Variants in TRPM5 observed in about 807,000 individuals in gnomAD.
The protein encoded by TRPM5 is MLSN1 and TRP-related.
A neutral mutation model predicts 124.9 loss-of-function variants in TRPM5; 121 were observed. The observed-to-expected ratio is 0.97, with a 90% CI of 0.84 to 1.13. TRPM5 has a LOEUF of 1.13. TRPM5 is among the 50% of genes most tolerant of loss of function. The pLI is 0.00. For missense variants in TRPM5, 1,643 were observed against 1,589.1 expected (o/e 1.03, Z -0.58); for synonymous variants, 781 against 700.5 (o/e 1.11, Z -1.81).
At chr11:2,430,665 ATGG>A in the TRPM5 span, among the ~76,000 whole-genome samples, 5 of 126,990 alleles carry the variant, frequency 3.9e-5, 1 homozygote, top group South Asian at 5.3e-4. Context: ...GACAGTGTTG[ATGG>A]TGGTGGTGGT....
chr11:2,409,921 A>G (rs922509098), intron 18 of TRPM5, among the ~76,000 whole-genome samples: 3 of 152,108 alleles, frequency 2.0e-5, no homozygotes, highest in Non-Finnish European at 4.4e-5. Flanking sequence ...GAAGGAGGCT[A>G]TGGCCAGGCC....
At chr11:2,405,916 G>T in intron 22 of TRPM5, 103 bp downstream of exon 27, 2 of 1,106,020 alleles carry the variant, frequency 1.8e-6, no homozygotes, top group East Asian at 2.4e-5. Context: ...GCTCTGGCCT[G>T]CCTCATCTCT....
At chr11:2,423,070 C>T (rs1845795535), upstream of TRPM5, 2 of 1,571,012 alleles carry the variant, frequency 1.3e-6, no homozygotes, top group Admixed American at 3.4e-5. Flanking sequence ...TACCCTGGCC[C>T]TTGAGGGCTG....
At chr11:2,410,255 C>A (rs960549779) in intron 18 of TRPM5, among the ~76,000 whole-genome samples, 1 of 152,212 alleles carries the variant, frequency 6.6e-6, no homozygotes, top group Non-Finnish European at 1.5e-5. Flanking sequence ...CACGGCGTCG[C>A]CCCCGCCTGT....
chr11:2,411,735 G>A (rs1470915022), exon 17 of TRPM5: 10 of 1,612,548 alleles, frequency 6.2e-6, no homozygotes, highest in Non-Finnish European at 8.5e-7. Flanking sequence ...GGCGAGGACT[G>A]TGCGGCCAGC....
At chr11:2,418,663 G>A (rs1372259135) in intron 4 of TRPM5, 72 bp from the exon 10 acceptor site, 2 of 1,477,352 alleles carry the variant, frequency 1.4e-6, no homozygotes, top group Non-Finnish European at 1.8e-6. Context: ...AGGCTCTCAG[G>A]CCACCACATT....
Position 2,405,563 on chromosome 11 carries a change from C to T in TRPM5, c.3355G>A (p.Val1119Met), listed in dbSNP as rs147507650. ...CCACCCTGGGCCAGCACGTCAGCCA[C>T]GGAGGACACGAGCACCGAGCAGTAG... Residue 1119 changes from valine (V) to methionine (M), a missense_variant, in exon 23 of 24, where the codon GTG (valine) becomes ATG (methionine). Val to Met is a conservative substitution (Grantham distance 21). Transcript: ENST00000155858. 535 of 1,566,080 alleles carry T rather than the reference C, an allele frequency of 3.4e-4. 1 individual carries two copies. The highest frequency in any genetic ancestry group is 2.6e-3 in the African/African-American group (193 of 74,146).
exon 14 of TRPM5, chr11:2,413,204 C>A: frequency 6.5e-7 from 1 of 1,550,230 alleles, no homozygotes; most frequent in East Asian, 2.4e-5. Context: ...TCCTCCAGGC[C>A]TGTCCTCAGG....
At chr11:2,437,242 C>T in the TRPM5 span, among the ~76,000 whole-genome samples, 1 of 152,236 alleles carries the variant, frequency 6.6e-6, no homozygotes, top group Non-Finnish European at 1.5e-5. This position sits in a 1 kb window ranked among gnomAD's most constrained non-coding sequence, Gnocchi z 5.6. Context: ...TGGCTGGTTC[C>T]CAGCTTGTCG....
At chr11:2,425,032 G>A (rs76009467), upstream of TRPM5, among the ~76,000 whole-genome samples, 927 of 152,346 alleles carry the variant, frequency 6.1e-3, 6 homozygotes, top group Middle Eastern at 0.01. Context: ...CCCGCGGACC[G>A]CAGAGAGGCA....
At chr11:2,425,612 T>C (rs1845834228), upstream of TRPM5, among the ~76,000 whole-genome samples, 1 of 152,018 alleles carries the variant, frequency 6.6e-6, no homozygotes. Flanking sequence ...GGATGTGTGC[T>C]TGTAGCCCTG....
the TRPM5 span, among the ~76,000 whole-genome samples, chr11:2,441,440 A>T: frequency 5.5e-5 from 8 of 145,088 alleles, no homozygotes; most frequent in African/African-American, 1.8e-4. The surrounding 1 kb of genome is among the most constrained non-coding windows in gnomAD (Gnocchi z 7.2). Flanking sequence ...GCCCACACCC[A>T]GCCCAGCCCA....
rs375116427 is a variant in TRPM5, at chr11:2,404,966, C to T, written c.3469G>A (p.Gly1157Arg). 120 of 1,612,598 alleles carry T rather than the reference C, an allele frequency of 7.4e-5. No homozygotes were observed. Among genetic ancestry groups the T allele is most frequent in the Middle Eastern group, 6.9e-4 (4 of 5,820 alleles). The stretch of plus-strand genomic sequence containing the variant: ...GTGTCCGAGGGAGGCTGGCCAGCCC[C>T]GGGTTGTTCCCAGCCATCTAAACCA... The change falls in exon 24 of 24, where the codon GGG becomes AGG. Residue 1157 changes from glycine (G) to arginine (R), a missense_variant. Physicochemically the swap from Gly to Arg is moderately radical, Grantham distance 125. Transcript: ENST00000155858.
chr11:2,414,351 C>A (rs772149086), intron 11 of TRPM5, 145 bp from the exon 17 acceptor site: 3 of 1,236,550 alleles, frequency 2.4e-6, no homozygotes, highest in Non-Finnish European at 3.3e-6. Flanking sequence ...CCTTCTGCCC[C>A]CTCCGGCCTG....
rs758030292 is a variant in TRPM5, at chr11:2,405,058, G to GA, written c.3392-16_3392-15insT. The GA allele has an allele frequency of 8.1e-6, 13 of 1,608,414 alleles. No homozygotes were observed. The highest frequency in any genetic ancestry group is 2.2e-5 in the East Asian group (1 of 44,788). ...GTGCTGAGAGCCTGCTGGGAAGGAA[G>GA]GCCCCCCTGAGCGGTGGGAACCAGC... On this transcript the variant is annotated splice_polypyrimidine_tract_variant and intron_variant, in intron 23 of 23. Transcript: ENST00000155858.
At chr11:2,435,341 T>G in the TRPM5 span, among the ~76,000 whole-genome samples, 1 of 152,064 alleles carries the variant, frequency 6.6e-6, no homozygotes, top group Non-Finnish European at 1.5e-5. This position sits in a 1 kb window ranked among gnomAD's most constrained non-coding sequence, Gnocchi z 4.1. Context: ...GGGCGGCCCA[T>G]CTGCTGGTCT....
chr11:2,426,753 T>C (rs1291670289), upstream of TRPM5, among the ~76,000 whole-genome samples: 11 of 152,246 alleles, frequency 7.2e-5, no homozygotes, highest in South Asian at 1.2e-3. Flanking sequence ...TTTGTGAGAT[T>C]TGGGGGAACG....
chr11:2,411,601 T>A (rs751393000), intron 17 of TRPM5, 34 bp downstream of exon 22: 1 of 1,610,574 alleles, frequency 6.2e-7, no homozygotes, highest in African/African-American at 1.3e-5. Context: ...TTGCTGTCCC[T>A]CCAGGGCCAG....
At position 2,414,841 on chromosome 11, in the gene TRPM5, A is replaced by G. The variant is rs1457489714; in HGVS notation, c.1621-3T>C. 4.1e-5 allele frequency: 66 copies of G among 1,591,698 alleles called. No individual in the cohort carries two copies. The highest frequency in any genetic ancestry group is 5.4e-5 in the Non-Finnish European group (63 of 1,170,428). On this transcript the variant is annotated splice_polypyrimidine_tract_variant and splice_region_variant and intron_variant, in intron 10 of 23. Coordinates refer to ENST00000155858, the Ensembl canonical transcript of TRPM5. ...GCGGCTGCCACACCTTCCTGGCCCT[A>G]CGAGACCTGGTCTCAGGAGGCCGCC...
Sources: allele counts gnomAD v4.1 joint callset (sites outside exome capture counted in the v4.1 genomes callset), GRCh38; gene constraint gnomAD v4.1.1; non-coding constraint Gnocchi (gnomAD v3.1); transcripts MANE v1.5; gene names NCBI Gene and HGNC (gene_info 2026-07-23, HGNC 2026-07-21).